FAAH2: variants seen among roughly 807,000 people sequenced by gnomAD.
FAAH2 encodes the protein fatty acid amide hydrolase 2.
FAAH2 carries 60 observed loss-of-function variants against 36.9 expected under a neutral mutation model. That is an observed-to-expected ratio of 1.63 (90% CI 1.32 to 2.02). The LOEUF (loss-of-function observed/expected upper bound fraction) is 2.02, where lower values mean the gene tolerates loss of function less well. Among genes scored for constraint, FAAH2 ranks in the 30% most tolerant of loss-of-function variants. The pLI is 0.00. For missense variants in FAAH2, 689 were observed against 397.5 expected (o/e 1.73, Z -6.23); for synonymous variants, 214 against 143.8 (o/e 1.49, Z -3.49).
the FAAH2 span, among the ~76,000 whole-genome samples, chrX:57,277,515 T>C: frequency 9.0e-6 from 1 of 111,675 alleles, no homozygotes; most frequent in Admixed American, 9.5e-5. Flanking sequence ...ACCAGCACAA[T>C]ACAAGGATGC....
chrX:57,438,808 G>A (rs1403680918), intron 8 of FAAH2, among the ~76,000 whole-genome samples: 2 of 95,418 alleles, frequency 2.1e-5, no homozygotes, highest in Non-Finnish European at 4.1e-5. Flanking sequence ...GTGTCCATGT[G>A]TTCTCATTGT....
the FAAH2 span, among the ~76,000 whole-genome samples, chrX:57,277,725 T>C: frequency 2.1e-4 from 24 of 111,810 alleles, no homozygotes; most frequent in African/African-American, 7.8e-4. Context: ...TTCAGCAAAA[T>C]CTCAGGATAC....
chrX:57,369,615 C>T (rs2054502641), intron 5 of FAAH2, among the ~76,000 whole-genome samples: 2 of 111,602 alleles, frequency 1.8e-5, no homozygotes, highest in African/African-American at 6.5e-5. Context: ...CCCAACAAAA[C>T]TATTCTTCCA....
chrX:57,173,368 T>G, the FAAH2 span, among the ~76,000 whole-genome samples: 8 of 112,397 alleles, frequency 7.1e-5, no homozygotes, highest in Non-Finnish European at 1.5e-4. Flanking sequence ...GTTCTTGATT[T>G]GATTATCAGC....
chrX:57,394,522 G>T (rs940352479), intron 7 of FAAH2: 2 of 1,206,417 alleles, frequency 1.7e-6, no homozygotes, highest in Admixed American at 2.2e-5. Flanking sequence ...GGTTAAGGTT[G>T]TTATACTGAA....
At chrX:57,201,703 T>C in the FAAH2 span, among the ~76,000 whole-genome samples, 1 of 111,350 alleles carries the variant, frequency 9.0e-6, no homozygotes, top group Non-Finnish European at 1.9e-5. Flanking sequence ...TGGGAAGTTC[T>C]CTGTTATTAT....
intron 2 of FAAH2, among the ~76,000 whole-genome samples, chrX:57,301,742 G>A (rs1232070046): frequency 1.8e-5 from 2 of 110,960 alleles, no homozygotes; most frequent in Non-Finnish European, 3.8e-5. Context: ...GTTCAACATT[G>A]CATAGTCATT....
intron 7 of FAAH2, among the ~76,000 whole-genome samples, chrX:57,388,933 G>A (rs1397022159): frequency 1.8e-5 from 2 of 109,642 alleles, no homozygotes; most frequent in Non-Finnish European, 3.8e-5. Flanking sequence ...TCGTGGCTTG[G>A]TAACTCTTTT....
intron 7 of FAAH2, among the ~76,000 whole-genome samples, chrX:57,418,637 A>T (rs766053106): frequency 9.0e-6 from 1 of 110,585 alleles, no homozygotes; most frequent in African/African-American, 3.3e-5. Context: ...TTCTGCGTTG[A>T]TCTGGCTGGG....
At chrX:57,188,540 C>G in the FAAH2 span, among the ~76,000 whole-genome samples, 11 of 109,342 alleles carry the variant, frequency 1.0e-4, no homozygotes, top group African/African-American at 3.7e-4. Context: ...AAAGGTGTTT[C>G]GTGTCTCTAT....
chrX:57,196,318 G>C, the FAAH2 span, among the ~76,000 whole-genome samples: 3 of 109,932 alleles, frequency 2.7e-5, no homozygotes, highest in African/African-American at 1.0e-4. Flanking sequence ...ATTTATTTTG[G>C]AGCTATTGTG....
chrX:57,332,691 C>T (rs1364187781), intron 4 of FAAH2, among the ~76,000 whole-genome samples: 2 of 111,337 alleles, frequency 1.8e-5, no homozygotes, highest in African/African-American at 3.3e-5. Context: ...GGGCCCCACA[C>T]AATTTCAAAA....
chrX:57,443,954 G>T (rs1348288443), intron 8 of FAAH2, among the ~76,000 whole-genome samples: 1 of 111,913 alleles, frequency 8.9e-6, no homozygotes, highest in East Asian at 2.8e-4. Context: ...TGATGTTGCT[G>T]CCTGATCCTT....
At chrX:57,188,634 T>C in the FAAH2 span, among the ~76,000 whole-genome samples, 1 of 110,814 alleles carries the variant, frequency 9.0e-6, no homozygotes, top group Non-Finnish European at 1.9e-5. Flanking sequence ...GTAGTTCTTT[T>C]AATTTTGATG....
the FAAH2 span, among the ~76,000 whole-genome samples, chrX:57,216,596 ATG>A: frequency 7.0e-4 from 2 of 2,857 alleles, no homozygotes; most frequent in Non-Finnish European, 1.2e-3. Flanking sequence ...ATGTATATAT[ATG>A]TATATATATA....
chrX:57,327,144 C>T (rs2053241835), intron 3 of FAAH2, among the ~76,000 whole-genome samples: 1 of 105,524 alleles, frequency 9.5e-6, no homozygotes, highest in African/African-American at 3.5e-5. Flanking sequence ...AAGTTATTTT[C>T]TTTAAGAATG....
chrX:57,173,312 C>T, the FAAH2 span, among the ~76,000 whole-genome samples: 1 of 111,901 alleles, frequency 8.9e-6, no homozygotes, highest in East Asian at 2.8e-4. Flanking sequence ...TTTAAGGATA[C>T]TCCTGGGTAT....
the FAAH2 span, among the ~76,000 whole-genome samples, chrX:57,188,080 A>T: frequency 9.0e-6 from 1 of 111,699 alleles, no homozygotes; most frequent in Non-Finnish European, 1.9e-5. Context: ...GCCTCATAGA[A>T]AGAGTTAGAG....
At chrX:57,474,377 G>C (rs932499234) in intron 10 of FAAH2, among the ~76,000 whole-genome samples, 2 of 109,889 alleles carry the variant, frequency 1.8e-5, no homozygotes, top group South Asian at 7.9e-4. Flanking sequence ...GCCCCCAACA[G>C]GCCTCAGTGT....
Sources: allele counts gnomAD v4.1 joint callset (sites outside exome capture counted in the v4.1 genomes callset), GRCh38; gene constraint gnomAD v4.1.1; transcripts MANE v1.5; gene names NCBI Gene and HGNC (gene_info 2026-07-23, HGNC 2026-07-21).